FSHR: variants seen among roughly 807,000 people sequenced by gnomAD.
FSHR encodes follicle stimulating hormone receptor.
Under a neutral mutation model 52.1 loss-of-function variants are expected in FSHR, and 46 were observed. The observed-to-expected ratio is 0.88, with a 90% CI of 0.70 to 1.13. The LOEUF (loss-of-function observed/expected upper bound fraction) is 1.13, where lower values mean the gene tolerates loss of function less well. Ranked by LOEUF, FSHR falls within the 50% of genes most tolerant of loss-of-function variation. The probability of loss-of-function intolerance (pLI) is 0.00; values close to 1 mark genes in which losing one functional copy is unlikely to be tolerated. For missense variants in FSHR, 964 were observed against 834.6 expected, an observed-to-expected ratio of 1.16 and a Z score of -1.91; for synonymous variants, 399 against 309.6, an observed-to-expected ratio of 1.29 and a Z score of -3.03.
intron 1 of FSHR, among the ~76,000 whole-genome samples, chr2:49,081,934 C>A (rs1348570806): frequency 2.0e-5 from 3 of 152,146 alleles, no homozygotes; most frequent in Non-Finnish European, 4.4e-5. Flanking sequence ...GAGAAAGCTG[C>A]CTTTTTATGA....
intron 4 of FSHR, among the ~76,000 whole-genome samples, chr2:49,003,406 T>C (rs545515309): frequency 6.6e-6 from 1 of 152,210 alleles, no homozygotes; most frequent in South Asian, 2.1e-4. Context: ...AGCTACTTTG[T>C]GGTTTCCCCG....
chr2:49,012,841 C>T (rs1413078538), intron 4 of FSHR, among the ~76,000 whole-genome samples: 1 of 152,068 alleles, frequency 6.6e-6, no homozygotes, highest in African/African-American at 2.4e-5. Context: ...GTTAGGACTC[C>T]TGCTCAGATG....
At chr2:49,000,716 G>T (rs1392583449) in intron 4 of FSHR, among the ~76,000 whole-genome samples, 1 of 152,086 alleles carries the variant, frequency 6.6e-6, no homozygotes, top group African/African-American at 2.4e-5. Flanking sequence ...AAAGGGTGGG[G>T]GCTGCTTGCT....
intron 1 of FSHR, among the ~76,000 whole-genome samples, chr2:49,117,795 A>C (rs1384322938): frequency 6.6e-6 from 1 of 152,180 alleles, no homozygotes; most frequent in Admixed American, 6.5e-5. Context: ...CATTCTTGAA[A>C]GGGAATTATT....
At chr2:49,040,143 C>T (rs748941007) in intron 2 of FSHR, among the ~76,000 whole-genome samples, 4 of 152,108 alleles carry the variant, frequency 2.6e-5, no homozygotes, top group South Asian at 2.1e-4. Context: ...GAGTTTGCTG[C>T]GCTACTTGAA....
intron 1 of FSHR, among the ~76,000 whole-genome samples, chr2:49,147,517 T>C (rs534878701): frequency 4.6e-5 from 7 of 152,146 alleles, no homozygotes; most frequent in Admixed American, 3.3e-4. Context: ...CACCTTTAGG[T>C]AAACAAGGGG....
chr2:49,136,855 A>T (rs1672506895), intron 1 of FSHR, among the ~76,000 whole-genome samples: 1 of 152,096 alleles, frequency 6.6e-6, no homozygotes, highest in Admixed American at 6.6e-5. Context: ...ATAGAAGGAA[A>T]CTTCCGCAGT....
At chr2:49,051,979 A>G (rs190970565) in intron 2 of FSHR, among the ~76,000 whole-genome samples, 1 of 152,322 alleles carries the variant, frequency 6.6e-6, no homozygotes, top group Admixed American at 6.5e-5. Context: ...TAGAAAACAA[A>G]CACTTTTGGG....
intron 4 of FSHR, among the ~76,000 whole-genome samples, chr2:49,007,616 T>C (rs1667116374): frequency 6.6e-6 from 1 of 152,104 alleles, no homozygotes; most frequent in African/African-American, 2.4e-5. Context: ...TCCTTTTGTC[T>C]TTTGAGAAAC....
At chr2:49,037,758 T>C (rs1430734297) in intron 2 of FSHR, among the ~76,000 whole-genome samples, 1 of 151,874 alleles carries the variant, frequency 6.6e-6, no homozygotes, top group Admixed American at 6.6e-5. Context: ...TAAAAAGATG[T>C]TAAATTGGAA....
chr2:49,141,005 A>G (rs1036372343), intron 1 of FSHR, among the ~76,000 whole-genome samples: 2 of 152,338 alleles, frequency 1.3e-5, no homozygotes, highest in African/African-American at 4.8e-5. Flanking sequence ...CACCATCTTC[A>G]TAAGAAATGT....
chr2:49,152,502 C>G (rs1673099431), intron 1 of FSHR, among the ~76,000 whole-genome samples: 1 of 151,894 alleles, frequency 6.6e-6, no homozygotes, highest in African/African-American at 2.4e-5. Flanking sequence ...TCTTTCTTTT[C>G]TTTCTCTTTT....
chr2:49,145,833 A>G (rs1672850253), intron 1 of FSHR, among the ~76,000 whole-genome samples: 1 of 152,106 alleles, frequency 6.6e-6, no homozygotes, highest in South Asian at 2.1e-4. Flanking sequence ...AAACTTCATG[A>G]AAAATGAGCA....
chr2:48,993,976 A>G (rs547380221), intron 4 of FSHR, among the ~76,000 whole-genome samples: 3 of 152,164 alleles, frequency 2.0e-5, no homozygotes, highest in Non-Finnish European at 2.9e-5. Context: ...CAAAACTCTG[A>G]GCCATGTATT....
intron 1 of FSHR, among the ~76,000 whole-genome samples, chr2:49,136,284 T>C (rs779922287): frequency 6.6e-6 from 1 of 152,006 alleles, no homozygotes; most frequent in Non-Finnish European, 1.5e-5. Flanking sequence ...GGAAAATCAC[T>C]GGAAAGACAC....
Position 49,132,968 on chromosome 2 carries a change from T to TAAAAAAAAAAAAAAAAAAAAAAAAAAAAA in FSHR, c.152+21297_152+21298insTTTTTTTTTTTTTTTTTTTTTTTTTTTTT, listed in dbSNP as rs34913428. Among the ~76,000 whole-genome samples the TAAAAAAAAAAAAAAAAAAAAAAAAAAAAA allele has an allele frequency of 2.1e-4, 10 of 48,650 alleles. 1 individual carries two copies. Among genetic ancestry groups the TAAAAAAAAAAAAAAAAAAAAAAAAAAAAA allele is most frequent in the African/African-American group, 7.7e-4 (9 of 11,758 alleles). 31.9% of individuals were successfully genotyped at this position (48,650 alleles called of 152,430 possible). ...TTCAAGAACATTTATTAAAACTCAG[T>TAAAAAAAAAAAAAAAAAAAAAAAAAAAAA]AAAAAAAAAAAAAAAAAAAAAAAAA... On this transcript the variant is annotated intron_variant, in intron 1 of 9. Coordinates refer to ENST00000406846, the MANE Select transcript of FSHR (RefSeq NM_000145.4).
At chr2:48,994,052 C>A (rs1415771990) in intron 4 of FSHR, among the ~76,000 whole-genome samples, 1 of 152,176 alleles carries the variant, frequency 6.6e-6, no homozygotes, top group African/African-American at 2.4e-5. Flanking sequence ...GGGCAAGATT[C>A]ATGTTTTCCC....
intron 8 of FSHR, among the ~76,000 whole-genome samples, 167 bp downstream of exon 8, chr2:48,982,745 C>G (rs995207464): frequency 6.6e-6 from 1 of 152,072 alleles, no homozygotes; most frequent in African/African-American, 2.4e-5. Context: ...AGAGTTAGAC[C>G]GTGGATAAGC....
At chr2:49,052,124 A>G (rs528246321) in intron 2 of FSHR, among the ~76,000 whole-genome samples, 1 of 152,344 alleles carries the variant, frequency 6.6e-6, no homozygotes, top group South Asian at 2.1e-4. Flanking sequence ...TAAACAAAAT[A>G]TTAGCAAATC....
Sources: gnomAD v4.1 joint callset for allele counts (sites outside exome capture counted in the v4.1 genomes callset) on GRCh38, gnomAD v4.1.1 for gene constraint, MANE v1.5 for transcripts, NCBI Gene and HGNC (gene_info 2026-07-23, HGNC 2026-07-21) for gene names.